Variants in MATN2 observed in about 807,000 individuals in gnomAD.
The protein encoded by MATN2 is matrilin-2.
A neutral mutation model predicts 103.2 loss-of-function variants in MATN2; 69 were observed. The observed-to-expected ratio is 0.67, with a 90% confidence interval of 0.55 to 0.82. The LOEUF is 0.82. Ranked by LOEUF, MATN2 falls within the 40% of genes least tolerant of loss-of-function variation. The pLI is 0.00. For synonymous variants in MATN2, 429 were observed against 450.2 expected (o/e 0.95, Z 0.60); for missense variants, 1,023 against 1,211.5 (o/e 0.84, Z 2.31).
intron 10 of MATN2, among the ~76,000 whole-genome samples, chr8:98,016,155 T>C (rs1280663529): frequency 6.6e-6 from 1 of 152,116 alleles, no homozygotes; most frequent in Non-Finnish European, 1.5e-5. Flanking sequence ...CCGAGGTGGG[T>C]GGATTGCTTG....
chr8:98,013,060 G>T (rs146241058), intron 10 of MATN2, among the ~76,000 whole-genome samples: 8 of 152,216 alleles, frequency 5.3e-5, no homozygotes, highest in African/African-American at 1.4e-4. Context: ...TGAGTCAGGG[G>T]TGGTGGCTCT....
chr8:97,911,125 A>G (rs1265122414), intron 2 of MATN2, among the ~76,000 whole-genome samples: 1 of 151,942 alleles, frequency 6.6e-6, no homozygotes. Flanking sequence ...AGTAGCTGGC[A>G]TTACAGGCAT....
In MATN2 at chr8:98,021,369, G is replaced by A. The variant is rs766722151; in HGVS notation, c.1942+42G>A. 2.4e-5 allele frequency: 38 copies of A among 1,598,950 alleles called. 1 individual carries two copies. The Admixed American group carries it at 6.4e-4, about 27-fold the overall frequency. On this transcript the variant is annotated intron_variant, in intron 13 of 18. Transcript: ENST00000254898. ...TGGCTCTCTGCTTTAATTTTGTTTTGGAGCAACTGCTTTTTGGAGTATTTT... is the reference window on the plus strand; with the variant it reads ...TGGCTCTCTGCTTTAATTTTGTTTTAGAGCAACTGCTTTTTGGAGTATTTT...
chr8:97,977,286 A>G lies in MATN2; in HGVS notation c.959-1600A>G, dbSNP rs140282457. ...AAAAAGACAAGAAATTTGATTCCCA[A>G]TGTTGGAGGTGGGACCTGCTGGAAA... On this transcript the variant is annotated intron_variant, in intron 5 of 18. Coordinates refer to ENST00000254898, the MANE Select transcript of MATN2 (RefSeq NM_002380.5). 1.1e-3 allele frequency among the ~76,000 whole-genome samples: 167 copies of G among 149,620 alleles called. 2 individuals carry two copies. Among genetic ancestry groups the G allele is most frequent in the African/African-American group, 4.0e-3 (162 of 40,792 alleles).
At chr8:97,984,135 T>C (rs1221258774) in intron 6 of MATN2, among the ~76,000 whole-genome samples, 2 of 152,216 alleles carry the variant, frequency 1.3e-5, no homozygotes, top group Non-Finnish European at 2.9e-5. Context: ...TTCAACCTAG[T>C]TCTTGCCCAA....
chr8:97,997,170 C>A (rs549956384), intron 7 of MATN2, among the ~76,000 whole-genome samples: 2 of 152,336 alleles, frequency 1.3e-5, no homozygotes, highest in Non-Finnish European at 2.9e-5. Flanking sequence ...TGGGTTCATC[C>A]CCTGTGCTGG....
At chr8:98,025,587 A>T in intron 13 of MATN2, 1 of 282,088 alleles carries the variant, frequency 3.5e-6, no homozygotes, top group Middle Eastern at 1.3e-3. Context: ...CTCTACTAAA[A>T]ATACAAAAAT....
intron 4 of MATN2, among the ~76,000 whole-genome samples, chr8:97,953,705 G>A (rs568079311): frequency 1.1e-4 from 17 of 151,098 alleles, no homozygotes; most frequent in African/African-American, 2.9e-4. Flanking sequence ...CATGAGAATC[G>A]CTTGAACCTA....
At chr8:97,966,898 G>A (rs1811501399) in intron 5 of MATN2, among the ~76,000 whole-genome samples, 2 of 152,278 alleles carry the variant, frequency 1.3e-5, no homozygotes, top group African/African-American at 4.8e-5. Context: ...CCTGAGATTA[G>A]CTAAAAGAAA....
At chr8:97,884,012 A>T (rs1818340127) in intron 1 of MATN2, among the ~76,000 whole-genome samples, 1 of 152,216 alleles carries the variant, frequency 6.6e-6, no homozygotes, top group Non-Finnish European at 1.5e-5. Flanking sequence ...ACTAATGTGT[A>T]TTTAACAATT....
intron 2 of MATN2, among the ~76,000 whole-genome samples, chr8:97,918,269 A>G (rs149428269): frequency 6.6e-6 from 1 of 152,244 alleles, no homozygotes; most frequent in African/African-American, 2.4e-5. Flanking sequence ...ACTTGTCTCA[A>G]TGACCCCTGC....
rs1812062491 is a variant in MATN2 at position 97,982,561 on chromosome 8, C to T, written c.1081+3553C>T. On this transcript the variant is annotated intron_variant, in intron 6 of 18. Coordinates refer to ENST00000254898, the MANE Select transcript of MATN2 (RefSeq NM_002380.5). This position sits in a 1 kb window ranked among gnomAD's most constrained non-coding sequence, Gnocchi z 4.3. ...ATTAGTAAGTGTGCAACTATTATCT[C>T]AAAAAGGTAGACTAGTCAATGTAAT... Among the ~76,000 whole-genome samples, 1 of 152,110 alleles carries T rather than the reference C, an allele frequency of 6.6e-6. No homozygotes were observed. Among genetic ancestry groups the T allele is most frequent in the Non-Finnish European group, 1.5e-5 (1 of 68,022 alleles).
intron 2 of MATN2, among the ~76,000 whole-genome samples, chr8:97,926,629 C>A (rs902796866): frequency 5.3e-5 from 8 of 152,164 alleles, no homozygotes; most frequent in Non-Finnish European, 1.0e-4. Context: ...CCCTCTGCCT[C>A]TAAGATTCTA....
At chr8:97,996,072 T>G (rs184356205) in intron 7 of MATN2, among the ~76,000 whole-genome samples, 2 of 152,246 alleles carry the variant, frequency 1.3e-5, no homozygotes, top group African/African-American at 4.8e-5. Context: ...TGGACTCAAA[T>G]TTGCAGACCC....
At chr8:98,011,821 T>G (rs942258875) in intron 10 of MATN2, among the ~76,000 whole-genome samples, 1 of 152,160 alleles carries the variant, frequency 6.6e-6, no homozygotes, top group African/African-American at 2.4e-5. Flanking sequence ...ACAGAACACG[T>G]TGCCCCACTG....
intron 2 of MATN2, among the ~76,000 whole-genome samples, chr8:97,901,165 G>A (rs930099489): frequency 2.6e-5 from 4 of 152,066 alleles, no homozygotes; most frequent in Non-Finnish European, 5.9e-5. Flanking sequence ...AGTTAAAGCT[G>A]AATTTGTCTC....
chr8:97,906,122 A>G (rs1002243197), intron 2 of MATN2, among the ~76,000 whole-genome samples: 1 of 152,232 alleles, frequency 6.6e-6, no homozygotes, highest in African/African-American at 2.4e-5. Context: ...ACTGTGTTCA[A>G]CAGTGGCTGC....
At chr8:97,916,256 G>A (rs1436138712) in intron 2 of MATN2, among the ~76,000 whole-genome samples, 3 of 152,152 alleles carry the variant, frequency 2.0e-5, no homozygotes, top group Admixed American at 2.0e-4. Flanking sequence ...TTTTAGTAGA[G>A]ACGGGGTTTC....
At chr8:97,908,043 T>A in intron 2 of MATN2, among the ~76,000 whole-genome samples, 1 of 152,034 alleles carries the variant, frequency 6.6e-6, no homozygotes, top group East Asian at 1.9e-4. Context: ...GGAGGTGCCT[T>A]GTGGTAAAAG....
Sources: gnomAD v4.1 joint callset for allele counts (sites outside exome capture counted in the v4.1 genomes callset) on GRCh38, gnomAD v4.1.1 for gene constraint, Gnocchi (gnomAD v3.1) non-coding constraint, MANE v1.5 for transcripts, NCBI Gene and HGNC (gene_info 2026-07-23, HGNC 2026-07-21) for gene names.